Variants in UTP6 observed in about 807,000 individuals in gnomAD.
UTP6 encodes UTP6 small subunit processome component, also known as U3 small nucleolar RNA-associated protein 6 homolog.
In UTP6, 60 loss-of-function variants were observed where a neutral mutation model predicts 96.5. That is an observed-to-expected ratio of 0.62 (90% CI 0.51 to 0.77). UTP6 has a LOEUF of 0.77. UTP6 is among the 30% of genes least tolerant of loss of function. UTP6 has a pLI of 0.00. For synonymous variants in UTP6, 215 were observed against 240.1 expected (o/e 0.90, Z 0.96); for missense variants, 637 against 706.5 (o/e 0.90, Z 1.12).
intron 16 of UTP6, chr17:31,873,140 G>A: frequency 2.7e-6 from 1 of 376,702 alleles, no homozygotes. Context: ...TGTAATCCTA[G>A]CTACTCGGGA....
intron 10 of UTP6, 116 bp from the exon 11 acceptor site, chr17:31,880,870 G>A: frequency 1.4e-6 from 2 of 1,405,858 alleles, no homozygotes; most frequent in Non-Finnish European, 9.7e-7. Context: ...AACAACTGCA[G>A]TACCATAAAA....
At position 31,890,488 on chromosome 17, in the gene UTP6, C is replaced by T. The variant is rs8074667; in HGVS notation, c.425-1085G>A. ...AAAAAATTAGCCAGGCGTGGTGGCACCCTCCTATAGTCTCAGCTATTACGG... is the reference window on the plus strand; with the variant it reads ...AAAAAATTAGCCAGGCGTGGTGGCATCCTCCTATAGTCTCAGCTATTACGG... On this transcript the variant is annotated intron_variant, in intron 6 of 18. Transcript: ENST00000261708. Among the ~76,000 whole-genome samples the T allele has an allele frequency of 5.1e-3, 776 of 151,648 alleles. 2 individuals carry two copies. Among genetic ancestry groups the T allele is most frequent in the African/African-American group, 9.6e-3 (399 of 41,384 alleles).
At chr17:31,899,593 T>G (rs909902324) in intron 2 of UTP6, 53 bp downstream of exon 2, 22 of 1,402,386 alleles carry the variant, frequency 1.6e-5, no homozygotes, top group African/African-American at 5.8e-5. Flanking sequence ...AGATGCCATC[T>G]CACCAAAAAA....
chr17:31,868,759 A>G (rs2077232551), intron 16 of UTP6, among the ~76,000 whole-genome samples: 1 of 152,202 alleles, frequency 6.6e-6, no homozygotes, highest in Non-Finnish European at 1.5e-5. Flanking sequence ...GATTTCTAAT[A>G]TGGACAAATA....
At chr17:31,889,243 A>C in intron 7 of UTP6, 42 bp downstream of exon 7, 2 of 1,475,074 alleles carry the variant, frequency 1.4e-6, no homozygotes, top group Non-Finnish European at 1.9e-6. Flanking sequence ...AGAGGACCAA[A>C]CTGAAACATC....
rs764626655 is a variant in UTP6 at position 31,873,715 on chromosome 17, A to G, written c.1344T>C (p.Ser448=). ...TGTCTTCTTGGCTTTTGGCACCTTC[A>G]CTCCACTCTGCCCAGGAAATCCACA... ...LPLWISWAEW[S]EGAKSQEDTE... The change falls in exon 15 of 19, where the codon AGT becomes AGC. Residue 448 remains serine (S), a synonymous_variant. Transcript: ENST00000261708. 1 of 1,611,436 alleles carries G rather than the reference A, an allele frequency of 6.2e-7. No individual in the cohort carries two copies. Among genetic ancestry groups the G allele is most frequent in the Non-Finnish European group, 8.5e-7 (1 of 1,179,534 alleles).
rs1364449632 is a variant in UTP6 at position 31,863,368 on chromosome 17, G to A, written c.1785C>T (p.Gly595=). The A allele has an allele frequency of 2.9e-5, 47 of 1,611,872 alleles. No individual in the cohort carries two copies. The highest frequency in any genetic ancestry group is 4.0e-5 in the Non-Finnish European group (47 of 1,179,520). The change falls in exon 19 of 19, where the codon GGC becomes GGT. Residue 595 remains glycine (G), a synonymous_variant. Transcript: ENST00000261708. ...ACTGTATTCTTCATCTTCATAAATG[G>A]CCAGTCTGATGCATAGCATGTTTAG... ...FVAKHAMHQT[G]HL
At chr17:31,868,435 T>A (rs1440230594) in intron 16 of UTP6, among the ~76,000 whole-genome samples, 1 of 138,966 alleles carries the variant, frequency 7.2e-6, no homozygotes, top group Admixed American at 7.9e-5. Flanking sequence ...GCTCAAGCAA[T>A]CCTCCTGCCT....
chr17:31,880,880 A>C, intron 10 of UTP6, 126 bp from the exon 11 acceptor site: 1 of 1,306,262 alleles, frequency 7.7e-7, no homozygotes, highest in Non-Finnish European at 1.1e-6. Flanking sequence ...GTACCATAAA[A>C]ACTATTTCCC....
intron 16 of UTP6, among the ~76,000 whole-genome samples, chr17:31,868,694 CAA>C (rs1382087139): frequency 6.6e-6 from 1 of 152,062 alleles, no homozygotes; most frequent in African/African-American, 2.4e-5. Flanking sequence ...AACTACATGT[CAA>C]AGTCTTTTGG....
intron 2 of UTP6, among the ~76,000 whole-genome samples, chr17:31,899,043 A>G (rs1429886047): frequency 6.6e-6 from 1 of 152,044 alleles, no homozygotes; most frequent in Non-Finnish European, 1.5e-5. Context: ...AAAAACAAAA[A>G]TAAAAAAAGT....
At position 31,861,287 on chromosome 17, in the gene UTP6, T is replaced by C. The variant is rs1321846161; in HGVS notation, c.*2072A>G. On this transcript the variant is annotated 3_prime_UTR_variant, in exon 19 of 19. Transcript: ENST00000261708. ...TGGGGGTAAAATTATTTGCAACAAATGAGAAACAAGATATTAATATTCTGA... is the reference window on the plus strand; with the variant it reads ...TGGGGGTAAAATTATTTGCAACAAACGAGAAACAAGATATTAATATTCTGA... The C allele has an allele frequency of 1.3e-5, 2 of 151,532 alleles. No homozygotes were observed. The highest frequency in any genetic ancestry group is 4.9e-5 in the African/African-American group (2 of 41,232). 9.4% of individuals were successfully genotyped at this position (151,532 alleles called of 1,614,324 possible).
intron 18 of UTP6, among the ~76,000 whole-genome samples, chr17:31,863,862 G>T (rs1346825247): frequency 6.6e-6 from 1 of 152,026 alleles, no homozygotes; most frequent in African/African-American, 2.4e-5. Context: ...CACCATATTA[G>T]GCTAATTTTT....
Position 31,884,550 on chromosome 17 carries a change from A to G in UTP6, c.704-45T>C, listed in dbSNP as rs750689915. 8 of 1,440,926 alleles carry G rather than the reference A, an allele frequency of 5.6e-6. No homozygotes were observed. The South Asian group carries it at 9.7e-5, about 18-fold the overall frequency. 89.3% of individuals were successfully genotyped at this position (1,440,926 alleles called of 1,614,324 possible). On this transcript the variant is annotated intron_variant, in intron 9 of 18. Transcript: ENST00000261708. ...GAGGGGAAGTTTATTGCCAATAAGA[A>G]TCACTTTACTTTAAAAGTAGCATTC...
chr17:31,876,022 GT>G (rs544852157), intron 13 of UTP6, among the ~76,000 whole-genome samples: 2 of 151,712 alleles, frequency 1.3e-5, no homozygotes, highest in South Asian at 2.1e-4. Context: ...TGTAAGTTAG[GT>G]TTTTTTGTTT....
intron 2 of UTP6, among the ~76,000 whole-genome samples, chr17:31,897,936 C>A (rs1904752611): frequency 6.6e-6 from 1 of 152,182 alleles, no homozygotes; most frequent in Non-Finnish European, 1.5e-5. Context: ...AGTGGACAGA[C>A]AATAGATAAA....
At chr17:31,900,036 C>T (rs1904880735) in intron 1 of UTP6, among the ~76,000 whole-genome samples, 1 of 151,604 alleles carries the variant, frequency 6.6e-6, no homozygotes, top group Non-Finnish European at 1.5e-5. Context: ...CCCAGCTACT[C>T]GGGAGACTGA....
rs1911128226 is a variant in UTP6, at chr17:31,886,139, A to G, written c.622-78T>C. On this transcript the variant is annotated intron_variant, in intron 8 of 18. Transcript: ENST00000261708. ...CACTAGGACGAAAATTAACAATCCT[A>G]GACTACCTGTGCCATATGACCACTG... The G allele has an allele frequency of 4.1e-6, 5 of 1,231,726 alleles. No individual in the cohort carries two copies. The Admixed American group carries it at 5.7e-5, about 14-fold the overall frequency. The allele number at this position is 1,231,726 out of a possible 1,614,324, so 76.3% of individuals were successfully genotyped here. A position where few individuals can be genotyped will look rare whatever the true frequency, so the allele number is the denominator to read the frequency against.
chr17:31,889,150 G>T, intron 7 of UTP6, 135 bp downstream of exon 7: 1 of 567,436 alleles, frequency 1.8e-6, no homozygotes, highest in South Asian at 2.7e-5. Flanking sequence ...AGCCAGGTAT[G>T]GTGGCGGGCA....
Sources: allele counts gnomAD v4.1 joint callset (sites outside exome capture counted in the v4.1 genomes callset), GRCh38; gene constraint gnomAD v4.1.1; transcripts MANE v1.5; gene names NCBI Gene and HGNC (gene_info 2026-07-23, HGNC 2026-07-21).